SPON1: variants seen among roughly 807,000 people sequenced by gnomAD.
The protein encoded by SPON1 is spondin 1, also known as spondin-1.
SPON1 carries 52 observed loss-of-function variants against 111.7 expected under a neutral mutation model. The ratio of observed to expected loss-of-function variants is 0.47; its 90% CI spans 0.37 to 0.59. SPON1 has a LOEUF of 0.59. Ranked by LOEUF, SPON1 falls within the 20% of genes least tolerant of loss-of-function variation. The pLI is 0.00. For synonymous variants in SPON1, 410 were observed against 395.8 expected, an observed-to-expected ratio of 1.04 and a Z score of -0.43; for missense variants, 957 against 1,068.5, an observed-to-expected ratio of 0.90 and a Z score of 1.46.
chr11:14,082,134 C>G (rs1158731779), intron 5 of SPON1, among the ~76,000 whole-genome samples: 1 of 152,062 alleles, frequency 6.6e-6, no homozygotes, highest in Non-Finnish European at 1.5e-5. Context: ...TAAGAAGCTT[C>G]TTGACCTTTC....
At chr11:14,224,794 G>T in intron 6 of SPON1, 1 of 468,954 alleles carries the variant, frequency 2.1e-6, no homozygotes, top group South Asian at 1.7e-5. Flanking sequence ...CAAAGGGTGA[G>T]CCCTTGGGCT....
chr11:14,113,283 G>T (rs1489412535), intron 5 of SPON1, among the ~76,000 whole-genome samples: 1 of 152,170 alleles, frequency 6.6e-6, no homozygotes, highest in Non-Finnish European at 1.5e-5. Flanking sequence ...CATTTCACCA[G>T]AGCTCCAGGG....
chr11:14,030,409 C>A (rs782565170), intron 2 of SPON1, among the ~76,000 whole-genome samples: 8 of 151,548 alleles, frequency 5.3e-5, no homozygotes, highest in Admixed American at 3.3e-4. Flanking sequence ...GACTAAACTT[C>A]TGTGGATTGG....
At chr11:14,264,579 C>T (rs1291286538) in intron 15 of SPON1, among the ~76,000 whole-genome samples, 1 of 152,208 alleles carries the variant, frequency 6.6e-6, no homozygotes, top group African/African-American at 2.4e-5. Flanking sequence ...GAGCTGTTTG[C>T]ATATCAAAGT....
At chr11:14,208,136 A>T (rs1848534734) in intron 6 of SPON1, among the ~76,000 whole-genome samples, 1 of 152,236 alleles carries the variant, frequency 6.6e-6, no homozygotes, top group South Asian at 2.1e-4. Context: ...TCTCCCTTAT[A>T]AATGGGAACT....
At chr11:14,206,532 T>A (rs1848518743) in intron 6 of SPON1, among the ~76,000 whole-genome samples, 4 of 152,250 alleles carry the variant, frequency 2.6e-5, no homozygotes. Flanking sequence ...GTATCAACTT[T>A]TTATTTTTTT....
At chr11:14,134,442 G>A (rs1554927835) in intron 5 of SPON1, among the ~76,000 whole-genome samples, 2 of 152,184 alleles carry the variant, frequency 1.3e-5, no homozygotes, top group Admixed American at 6.5e-5. Flanking sequence ...TTCCCATGCT[G>A]TTGTGTTGTG....
intron 5 of SPON1, among the ~76,000 whole-genome samples, chr11:14,126,296 A>G (rs1411457574): frequency 2.0e-5 from 3 of 152,172 alleles, no homozygotes; most frequent in Admixed American, 6.5e-5. Context: ...TCTATCTACC[A>G]TGCACCCTGT....
chr11:14,117,471 A>T (rs544568816), intron 5 of SPON1, among the ~76,000 whole-genome samples: 2 of 152,260 alleles, frequency 1.3e-5, no homozygotes, highest in South Asian at 2.1e-4. Flanking sequence ...AATGTGATGA[A>T]TTGTATTGAT....
At chr11:14,054,270 T>C (rs1554918920) in intron 3 of SPON1, among the ~76,000 whole-genome samples, 1 of 152,198 alleles carries the variant, frequency 6.6e-6, no homozygotes, top group East Asian at 1.9e-4. Flanking sequence ...ATGAAAATCA[T>C]TGTTAATTTA....
chr11:13,998,287 C>G (rs1192354938), intron 2 of SPON1, among the ~76,000 whole-genome samples: 3 of 152,164 alleles, frequency 2.0e-5, no homozygotes, highest in African/African-American at 7.2e-5. Flanking sequence ...GTCATTTTCT[C>G]TATTCTGCAT....
chr11:14,260,788 A>C (rs139939511), intron 14 of SPON1, 36 bp downstream of exon 14: 1 of 1,597,870 alleles, frequency 6.3e-7, no homozygotes, highest in African/African-American at 1.3e-5. Context: ...CATCACTTCT[A>C]TGTTCCTGAG....
chr11:14,225,024 G>A (rs1014141483), intron 6 of SPON1, among the ~76,000 whole-genome samples: 1 of 152,190 alleles, frequency 6.6e-6, no homozygotes, highest in African/African-American at 2.4e-5. Flanking sequence ...CCTCTCCAGG[G>A]TGTGGCTGAG....
chr11:14,144,137 G>A (rs1847691412), intron 6 of SPON1, among the ~76,000 whole-genome samples: 1 of 152,154 alleles, frequency 6.6e-6, no homozygotes, highest in Non-Finnish European at 1.5e-5. Context: ...GCATGGCTTG[G>A]AGTATGAGCT....
intron 5 of SPON1, among the ~76,000 whole-genome samples, chr11:14,093,826 T>C (rs1360187925): frequency 6.6e-5 from 10 of 152,246 alleles, no homozygotes; most frequent in African/African-American, 1.2e-4. Context: ...TTCATACTCA[T>C]ATCAGCTTAT....
At chr11:14,114,477 C>G (rs1028617255) in intron 5 of SPON1, among the ~76,000 whole-genome samples, 24 of 152,204 alleles carry the variant, frequency 1.6e-4, no homozygotes, top group African/African-American at 5.3e-4. Flanking sequence ...TTGGCCTGTT[C>G]CAGCTTAATC....
At chr11:14,149,179 C>T (rs1357032761) in intron 6 of SPON1, among the ~76,000 whole-genome samples, 2 of 151,988 alleles carry the variant, frequency 1.3e-5, no homozygotes, top group African/African-American at 2.4e-5. Flanking sequence ...GAGTTACTGC[C>T]CCCGAGGACC....
chr11:14,010,970 G>T (rs1591349890), intron 2 of SPON1, among the ~76,000 whole-genome samples: 1 of 152,234 alleles, frequency 6.6e-6, no homozygotes, highest in African/African-American at 2.4e-5. Flanking sequence ...TTAGGAAATT[G>T]TGATGCTCCT....
At chr11:14,003,801 G>A (rs1315168157) in intron 2 of SPON1, among the ~76,000 whole-genome samples, 1 of 151,954 alleles carries the variant, frequency 6.6e-6, no homozygotes, top group East Asian at 1.9e-4. Context: ...TTTGTGACAA[G>A]GGCAACTAAA....
Sources: allele counts gnomAD v4.1 joint callset (sites outside exome capture counted in the v4.1 genomes callset), GRCh38; gene constraint gnomAD v4.1.1; transcripts MANE v1.5; gene names NCBI Gene and HGNC (gene_info 2026-07-23, HGNC 2026-07-21).